MAK: variants seen among roughly 807,000 people sequenced by gnomAD.
MAK encodes the protein male germ cell associated kinase.
MAK carries 65 observed loss-of-function variants against 82.6 expected under a neutral mutation model. The ratio of observed to expected loss-of-function variants is 0.79; its 90% CI spans 0.64 to 0.97. The LOEUF (loss-of-function observed/expected upper bound fraction) is 0.97, where lower values mean the gene tolerates loss of function less well. Among genes scored for constraint, MAK ranks in the 50% least tolerant of loss-of-function variants. The probability of loss-of-function intolerance (pLI) is 0.00; values close to 1 mark genes in which losing one functional copy is unlikely to be tolerated. For synonymous variants in MAK, 250 were observed against 274.2 expected (o/e 0.91, Z 0.87); for missense variants, 703 against 780.2 (o/e 0.90, Z 1.18).
intron 1 of MAK, among the ~76,000 whole-genome samples, chr6:10,836,640 C>T (rs142405591): frequency 1.6e-4 from 25 of 152,288 alleles, no homozygotes; most frequent in Non-Finnish European, 2.4e-4. Context: ...TACATATATT[C>T]TTCTCTGTTG....
chr6:10,771,459 G>A (rs1189806213), intron 13 of MAK, among the ~76,000 whole-genome samples: 5 of 152,214 alleles, frequency 3.3e-5, no homozygotes, highest in African/African-American at 1.2e-4. Context: ...GAAGCAGACT[G>A]AAGACAAACG....
chr6:10,821,875 C>G (rs1435729308), intron 2 of MAK, among the ~76,000 whole-genome samples: 1 of 150,214 alleles, frequency 6.7e-6, no homozygotes, highest in East Asian at 2.0e-4. Flanking sequence ...AGGCCGGGCA[C>G]GGTGGCTCAC....
chr6:10,782,095 T>C (rs1227269385), intron 11 of MAK, among the ~76,000 whole-genome samples: 3 of 151,828 alleles, frequency 2.0e-5, no homozygotes, highest in Non-Finnish European at 4.4e-5. Flanking sequence ...TAATTCCAGC[T>C]ACTTGGGAGG....
intron 8 of MAK, chr6:10,797,507 T>G: frequency 1.3e-6 from 1 of 770,084 alleles, no homozygotes; most frequent in Non-Finnish European, 1.6e-6. Flanking sequence ...CAGCAAAGAG[T>G]TATCTGGTTC....
In MAK at chr6:10,768,786, A is replaced by G. The variant is rs1477521574; in HGVS notation, c.1792+1325T>C. The stretch of plus-strand genomic sequence containing the variant: ...ATTGCGGCAAGAAATAAAAAAATAA[A>G]GAAGTCCAGGCTTTATACATTTTTA... On this transcript the variant is annotated intron_variant, in intron 14 of 14. Coordinates refer to ENST00000354489, the MANE Select transcript of MAK (RefSeq NM_001242957.3). 2.6e-5 allele frequency among the ~76,000 whole-genome samples: 4 copies of G among 152,270 alleles called. No homozygotes were observed. The South Asian group carries it at 8.3e-4, about 31-fold the overall frequency.
At chr6:10,770,367 T>G in intron 13 of MAK, 137 bp from the exon 14 acceptor site, 1 of 934,392 alleles carries the variant, frequency 1.1e-6, no homozygotes, top group African/African-American at 1.6e-5. Context: ...GCTGCACTTG[T>G]TACAGATATT....
rs765326160 is a variant in MAK, at chr6:10,773,914, G to T, written c.1598-806C>A. Among the ~76,000 whole-genome samples the T allele has an allele frequency of 5.3e-5, 8 of 151,706 alleles. No individual in the cohort carries two copies. The East Asian group carries it at 1.2e-3, about 22-fold the overall frequency. On this transcript the variant is annotated intron_variant, in intron 12 of 14. Transcript: ENST00000354489. ...CAGGGTTTCACCATGTTGGTCAGGC[G>T]GGTCTCGAACTCCGGACCTTGTGAT...
In MAK at chr6:10,800,071, A is replaced by C. The variant is rs1447317552; in HGVS notation, c.831+1821T>G. Among the ~76,000 whole-genome samples the C allele has an allele frequency of 2.0e-5, 3 of 151,056 alleles. No individual in the cohort carries two copies. The highest frequency in any genetic ancestry group is 4.9e-5 in the African/African-American group (2 of 40,758). On this transcript the variant is annotated intron_variant, in intron 8 of 14. Transcript: ENST00000354489. The surrounding 1 kb of genome is among the most constrained non-coding windows in gnomAD (Gnocchi z 4.2). ...TCAAAAACAAAAACAAAAACAAAAAAAAACTAAACAAAAAAACCCCTCTGG... is the reference window on the plus strand; with the variant it reads ...TCAAAAACAAAAACAAAAACAAAAACAAACTAAACAAAAAAACCCCTCTGG...
At chr6:10,765,172 A>G (rs761222274) in intron 14 of MAK, among the ~76,000 whole-genome samples, 11 of 152,088 alleles carry the variant, frequency 7.2e-5, no homozygotes, top group Non-Finnish European at 1.2e-4. Flanking sequence ...CACTGCTGCT[A>G]TTTTTAATAT....
In MAK at chr6:10,822,016, G is replaced by A. The variant is rs547594617; in HGVS notation, c.102-3076C>T. Among the ~76,000 whole-genome samples, 13 of 151,676 alleles carry A rather than the reference G, an allele frequency of 8.6e-5. 1 individual carries two copies. In the South Asian group the frequency reaches 1.7e-3, roughly 19 times the overall value. On this transcript the variant is annotated intron_variant, in intron 2 of 14. Transcript: ENST00000354489. ...CAAAAAATTAGCCAGGCGTGGTGGC[G>A]GGCGCCTGTAGTCCCAGCTACTTGG...
intron 8 of MAK, among the ~76,000 whole-genome samples, chr6:10,799,934 G>T (rs1775879606): frequency 6.6e-6 from 1 of 152,200 alleles, no homozygotes; most frequent in Non-Finnish European, 1.5e-5. Context: ...TGTAGTCCCA[G>T]CTACTAGGGA....
At chr6:10,820,067 G>A (rs761607367) in intron 2 of MAK, among the ~76,000 whole-genome samples, 2 of 151,816 alleles carry the variant, frequency 1.3e-5, no homozygotes, top group African/African-American at 4.8e-5. Flanking sequence ...AGCCGAGATC[G>A]CGCCACTGCA....
At chr6:10,799,494 CTA>C (rs1384083003) in intron 8 of MAK, among the ~76,000 whole-genome samples, 1 of 152,066 alleles carries the variant, frequency 6.6e-6, no homozygotes, top group Non-Finnish European at 1.5e-5. Context: ...TGGCTCACGC[CTA>C]TATTATTTCA....
intron 4 of MAK, 61 bp from the exon 5 acceptor site, chr6:10,813,784 G>A (rs975632611): frequency 5.5e-6 from 5 of 906,606 alleles, no homozygotes; most frequent in African/African-American, 4.9e-5. Context: ...ATCCAAAGAA[G>A]GTTTATATTC....
At chr6:10,781,423 T>A (rs2127527447) in intron 11 of MAK, among the ~76,000 whole-genome samples, 1 of 135,400 alleles carries the variant, frequency 7.4e-6, no homozygotes, top group Non-Finnish European at 1.5e-5. Context: ...AAAAGTAGAT[T>A]TTTTTTTTTT....
chr6:10,764,684 A>G (rs1772236318), intron 14 of MAK, 78 bp from the exon 15 acceptor site: 1 of 1,284,942 alleles, frequency 7.8e-7, no homozygotes, highest in African/African-American at 1.5e-5. Flanking sequence ...TCATCCTCTC[A>G]TTTGATGGGG....
At chr6:10,836,902 C>T (rs1779181291) in intron 1 of MAK, among the ~76,000 whole-genome samples, 1 of 152,162 alleles carries the variant, frequency 6.6e-6, no homozygotes, top group Admixed American at 6.5e-5. Flanking sequence ...AATAAATACC[C>T]TTATAATTTA....
chr6:10,815,401 T>TC (rs1777390830), intron 4 of MAK, among the ~76,000 whole-genome samples: 1 of 152,100 alleles, frequency 6.6e-6, no homozygotes, highest in East Asian at 1.9e-4. Context: ...GGCAGGTGGA[T>TC]CCCTTGAGTT....
intron 14 of MAK, among the ~76,000 whole-genome samples, chr6:10,766,230 T>G (rs1441255729): frequency 1.3e-5 from 2 of 152,254 alleles, no homozygotes; most frequent in South Asian, 4.1e-4. Context: ...CTATCCCATA[T>G]TTACTGGCAT....
Sources: allele counts gnomAD v4.1 joint callset (sites outside exome capture counted in the v4.1 genomes callset), GRCh38; gene constraint gnomAD v4.1.1; non-coding constraint Gnocchi (gnomAD v3.1); transcripts MANE v1.5; gene names NCBI Gene and HGNC (gene_info 2026-07-23, HGNC 2026-07-21).